HS2ST1: variants seen among roughly 807,000 people sequenced by gnomAD.
HS2ST1 encodes 2-O-sulfotransferase.
A neutral mutation model predicts 42.9 loss-of-function variants in HS2ST1; 18 were observed. The observed-to-expected ratio is 0.42, with a 90% CI of 0.29 to 0.62. HS2ST1 has a LOEUF of 0.62. Among genes scored for constraint, HS2ST1 ranks in the 20% least tolerant of loss-of-function variants. HS2ST1 has a pLI of 0.21. For missense variants in HS2ST1, 334 were observed against 433.8 expected (o/e 0.77, Z 2.04); for synonymous variants, 146 against 152.9 (o/e 0.95, Z 0.33).
intron 1 of HS2ST1, among the ~76,000 whole-genome samples, chr1:87,021,951 A>G (rs1167651699): frequency 1.3e-5 from 2 of 152,254 alleles, no homozygotes; most frequent in Non-Finnish European, 2.9e-5. Context: ...GTAGTTTGCA[A>G]GATCACAGAA....
chr1:86,950,862 C>A (rs1175958409), intron 1 of HS2ST1, among the ~76,000 whole-genome samples: 1 of 152,124 alleles, frequency 6.6e-6, no homozygotes, highest in Non-Finnish European at 1.5e-5. Flanking sequence ...GAAATGACCT[C>A]TTTATGCTGT....
At chr1:87,009,984 A>G (rs374798847) in intron 1 of HS2ST1, among the ~76,000 whole-genome samples, 55 of 152,008 alleles carry the variant, frequency 3.6e-4, no homozygotes, top group African/African-American at 1.2e-3. Flanking sequence ...GCAGTGAGCC[A>G]AGATCACGCC....
chr1:86,918,731 A>G lies in HS2ST1; in HGVS notation c.124+3571A>G, dbSNP rs150416244. On this transcript the variant is annotated intron_variant, in intron 1 of 6. Transcript: ENST00000370550. The stretch of plus-strand genomic sequence containing the variant: ...GTAGTAATCTACACTGCCAGCACAC[A>G]TTCATTAGCACTAGAAGATAATCAG... Among the ~76,000 whole-genome samples the G allele has an allele frequency of 5.4e-3, 816 of 152,124 alleles. 10 individuals are homozygous for G. Among genetic ancestry groups the G allele is most frequent in the African/African-American group, 0.019 (774 of 41,550 alleles).
intron 1 of HS2ST1, among the ~76,000 whole-genome samples, chr1:86,933,777 A>G (rs541642817): frequency 7.3e-6 from 1 of 136,304 alleles, no homozygotes; most frequent in Non-Finnish European, 1.5e-5. Flanking sequence ...ACAGGCCTTT[A>G]GTGTGGCCTA....
intron 1 of HS2ST1, among the ~76,000 whole-genome samples, chr1:86,957,021 C>G (rs917647286): frequency 6.6e-6 from 1 of 152,158 alleles, no homozygotes; most frequent in African/African-American, 2.4e-5. Flanking sequence ...AAAGACCTGT[C>G]ATATTTTGTA....
chr1:87,072,993 C>A lies in HS2ST1; in HGVS notation c.184C>A (p.Pro62Thr), dbSNP rs1303878411. Residue 62 changes from proline (P) to threonine (T), a missense_variant, in exon 2 of 7, where the codon CCT becomes ACT. Physicochemically the swap from Pro to Thr is conservative, Grantham distance 38. Coordinates refer to ENST00000370550, the MANE Select transcript of HS2ST1 (RefSeq NM_012262.4). ...TGAGCAGCGACATACAATGGATGGC[C>A]CTCGGCAAGATGCCACTTTAGATGA... ...EIEQRHTMDGPRQDATLDEEE... is the reference protein window; with the variant it reads ...EIEQRHTMDGTRQDATLDEEE... 12 of 1,613,912 alleles carry A rather than the reference C, an allele frequency of 7.4e-6. No homozygotes were observed. The highest frequency in any genetic ancestry group is 1.0e-5 in the Non-Finnish European group (12 of 1,179,992).
chr1:86,947,135 G>T (rs974617787), intron 1 of HS2ST1, among the ~76,000 whole-genome samples: 1 of 152,198 alleles, frequency 6.6e-6, no homozygotes, highest in African/African-American at 2.4e-5. Flanking sequence ...ACCTTAAGTT[G>T]AGGGAGCCCA....
intron 1 of HS2ST1, among the ~76,000 whole-genome samples, chr1:86,923,766 A>G (rs1328869077): frequency 6.6e-6 from 1 of 152,154 alleles, no homozygotes; most frequent in African/African-American, 2.4e-5. Context: ...CATGGGAAAG[A>G]CTTGCCCCCA....
chr1:87,045,293 T>C (rs1312535950), intron 1 of HS2ST1: 1 of 1,126,204 alleles, frequency 8.9e-7, no homozygotes, highest in East Asian at 2.4e-5. Flanking sequence ...GAGGAAGTAA[T>C]CTGCTTGAAG....
Position 87,103,605 on chromosome 1 carries a change from G to T in HS2ST1, c.844+16G>T, listed in dbSNP as rs758176812. ...TATCGCACAGGTATATAAAGGAAGGGTTTCTTTTTAAAGCTTTCTTTGGTT... is the reference window on the plus strand; with the variant it reads ...TATCGCACAGGTATATAAAGGAAGGTTTTCTTTTTAAAGCTTTCTTTGGTT... On this transcript the variant is annotated intron_variant, in intron 6 of 6. Coordinates refer to ENST00000370550, the MANE Select transcript of HS2ST1 (RefSeq NM_012262.4). 1 of 1,515,678 alleles carries T rather than the reference G, an allele frequency of 6.6e-7. No homozygotes were observed. Among genetic ancestry groups the T allele is most frequent in the Non-Finnish European group, 8.8e-7 (1 of 1,136,324 alleles). 93.9% of individuals were successfully genotyped at this position (1,515,678 alleles called of 1,614,324 possible).
chr1:87,097,075 C>T (rs1271090041), intron 4 of HS2ST1, among the ~76,000 whole-genome samples: 1 of 152,158 alleles, frequency 6.6e-6, no homozygotes, highest in Non-Finnish European at 1.5e-5. Context: ...TAGAGCTATG[C>T]CTTTAATACC....
Position 86,914,884 on chromosome 1 carries a change from A to AGGC in HS2ST1, c.-151_-149dup, listed in dbSNP as rs959268599. 1.3e-5 allele frequency: 11 copies of AGGC among 815,540 alleles called. No individual in the cohort carries two copies. The African/African-American group carries it at 2.1e-4, about 16-fold the overall frequency. The allele number at this position is 815,540 out of a possible 1,614,324, so 50.5% of individuals were successfully genotyped here. On this transcript the variant is annotated 5_prime_UTR_variant, in exon 1 of 7. Transcript: ENST00000370550. ...AGCGCCTGGGGGAGGGGGACTGGAG[A>AGGC]GGCGAGAAGGGGGGTCGCTGCGGTG...
intron 1 of HS2ST1, among the ~76,000 whole-genome samples, chr1:86,937,006 G>A (rs1660669385): frequency 6.6e-6 from 1 of 151,634 alleles, no homozygotes; most frequent in Non-Finnish European, 1.5e-5. Flanking sequence ...TTGGTAGGCT[G>A]AGGCAGGACA....
intron 1 of HS2ST1, among the ~76,000 whole-genome samples, chr1:87,031,484 A>G (rs913598290): frequency 3.9e-5 from 6 of 152,132 alleles, no homozygotes; most frequent in East Asian, 1.9e-4. Context: ...CAATATACCA[A>G]CTGTTTATTG....
chr1:86,994,623 A>G (rs915830608), intron 1 of HS2ST1, among the ~76,000 whole-genome samples: 2 of 152,114 alleles, frequency 1.3e-5, no homozygotes, highest in South Asian at 2.1e-4. Context: ...GGATAGTATA[A>G]AGTACAATTT....
rs1651459742 is a variant in HS2ST1, at chr1:87,073,161, T to C, written c.352T>C (p.Leu118=). The change falls in exon 2 of 7, where the codon TTG becomes CTG. Residue 118 remains leucine (L), a synonymous_variant. Transcript: ENST00000370550. ...TACCAAAAATAATCCAGTGATGTCATTGCAAGATCAGGTAATTACCACTTA... is the reference window on the plus strand; with the variant it reads ...TACCAAAAATAATCCAGTGATGTCACTGCAAGATCAGGTAATTACCACTTA... ...NTTKNNPVMS[L]QDQVRFVKNI... is the part of the protein sequence containing the mutation. 1 of 1,604,238 alleles carries C rather than the reference T, an allele frequency of 6.2e-7. No individual in the cohort carries two copies.
At chr1:86,970,079 C>T (rs1269851991) in intron 1 of HS2ST1, among the ~76,000 whole-genome samples, 12 of 150,498 alleles carry the variant, frequency 8.0e-5, no homozygotes, top group Non-Finnish European at 1.5e-4. Context: ...GAGTCAAGAT[C>T]GCGCCATTGC....
chr1:87,009,904 G>A lies in HS2ST1; in HGVS notation c.125-63030G>A, dbSNP rs1211439037. Among the ~76,000 whole-genome samples, 7 of 151,900 alleles carry A rather than the reference G, an allele frequency of 4.6e-5. No homozygotes were observed. In the South Asian group the frequency reaches 8.3e-4, roughly 18 times the overall value. On this transcript the variant is annotated intron_variant, in intron 1 of 6. Coordinates refer to ENST00000370550, the MANE Select transcript of HS2ST1 (RefSeq NM_012262.4). The stretch of plus-strand genomic sequence containing the variant: ...AAAAAAATTAGCTGGGCCTGGTGGC[G>A]GGCACCTGTAGTCCCAGCTACTCGG...
At chr1:86,997,359 G>C (rs1418568695) in intron 1 of HS2ST1, among the ~76,000 whole-genome samples, 1 of 152,146 alleles carries the variant, frequency 6.6e-6, no homozygotes, top group Non-Finnish European at 1.5e-5. Context: ...CTTAAGAGCT[G>C]AGCAGAAATT....
Sources: allele counts gnomAD v4.1 joint callset (sites outside exome capture counted in the v4.1 genomes callset), GRCh38; gene constraint gnomAD v4.1.1; transcripts MANE v1.5; gene names NCBI Gene and HGNC (gene_info 2026-07-23, HGNC 2026-07-21).